The following ZBTB16 variants were observed in gnomAD, a reference collection of about 807,000 sequenced individuals.
The protein encoded by ZBTB16 is zinc finger and BTB domain containing 16.
ZBTB16 carries 8 observed loss-of-function variants against 56.8 expected under a neutral mutation model. The ratio of observed to expected loss-of-function variants is 0.14; its 90% CI spans 0.08 to 0.25. The LOEUF is 0.25. Ranked by LOEUF, ZBTB16 falls within the 10% of genes least tolerant of loss-of-function variation. ZBTB16 has a pLI of 1.00. For synonymous variants in ZBTB16, 363 were observed against 368.5 expected (o/e 0.98, Z 0.17); for missense variants, 625 against 903.0 (o/e 0.69, Z 3.95).
intron 2 of ZBTB16, among the ~76,000 whole-genome samples, chr11:114,154,870 C>T (rs1278824921): frequency 1.3e-5 from 2 of 152,142 alleles, no homozygotes; most frequent in Non-Finnish European, 2.9e-5. Flanking sequence ...ATCAGAAGGC[C>T]GTACACAGTG....
rs546370662 is a variant in ZBTB16, at chr11:114,064,519, A to C, written c.1219A>C (p.Ser407Arg). ...SESRTIGEQC[S>R]VCGVELPDNE... ...GAGCCGGACCATCGGAGAGCAGTGC[A>C]GCGTGTGTGGGGTCGAGCTTCCTGA... Residue 407 changes from serine (S) to arginine (R), a missense_variant, in exon 2 of 7, where the codon AGC (serine) becomes CGC (arginine). Physicochemically the swap from Ser to Arg is moderately radical, Grantham distance 110. Around this residue, in one of 6 missense-constraint regions of ZBTB16, gnomAD observed 384 missense variants for 393.5 expected, o/e 0.98. Coordinates refer to ENST00000335953, the MANE Select transcript of ZBTB16 (RefSeq NM_006006.6). The surrounding 1 kb of genome is among the most constrained non-coding windows in gnomAD (Gnocchi z 4.2). 1 of 1,614,058 alleles carries C rather than the reference A, an allele frequency of 6.2e-7. No individual in the cohort carries two copies. The highest frequency in any genetic ancestry group is 2.2e-5 in the East Asian group (1 of 44,868).
chr11:114,229,611 G>A (rs1246712542), intron 4 of ZBTB16, among the ~76,000 whole-genome samples: 2 of 152,200 alleles, frequency 1.3e-5, no homozygotes, highest in African/African-American at 4.8e-5. Context: ...AAGGAAATTC[G>A]TAGCTACGTT....
intron 4 of ZBTB16, among the ~76,000 whole-genome samples, chr11:114,219,556 G>A (rs938936338): frequency 6.6e-6 from 1 of 151,920 alleles, no homozygotes; most frequent in Admixed American, 6.6e-5. Context: ...CATTCTTACT[G>A]CAAAATCGAG....
At chr11:114,126,558 ATTG>A (rs575976663) in intron 2 of ZBTB16, among the ~76,000 whole-genome samples, 4 of 152,130 alleles carry the variant, frequency 2.6e-5, no homozygotes, top group Admixed American at 2.0e-4. Flanking sequence ...GAAGCTGAGT[ATTG>A]TTGTTGAGAG....
chr11:114,136,060 AGGGT>A (rs1414809922), intron 2 of ZBTB16, among the ~76,000 whole-genome samples: 2 of 151,932 alleles, frequency 1.3e-5, no homozygotes, highest in Non-Finnish European at 2.9e-5. Flanking sequence ...GTAAAGGAGG[AGGGT>A]TGCATGGAAT....
intron 2 of ZBTB16, among the ~76,000 whole-genome samples, chr11:114,130,272 G>A (rs908501161): frequency 4.6e-5 from 7 of 152,178 alleles, no homozygotes; most frequent in African/African-American, 9.7e-5. Context: ...TCTGGACTCC[G>A]CCAGCTGCAT....
At chr11:114,226,967 G>A (rs553305589) in intron 4 of ZBTB16, among the ~76,000 whole-genome samples, 48 of 152,180 alleles carry the variant, frequency 3.2e-4, no homozygotes, top group South Asian at 1.2e-3. Flanking sequence ...TCCCTTGCGT[G>A]CAGCCTGACG....
intron 4 of ZBTB16, among the ~76,000 whole-genome samples, chr11:114,232,102 G>A (rs187743604): frequency 1.3e-3 from 204 of 152,206 alleles, no homozygotes; most frequent in African/African-American, 4.3e-3. Flanking sequence ...TTCATGCTCC[G>A]TCCCGATGTT....
At chr11:114,115,080 G>A (rs2137789135) in intron 2 of ZBTB16, among the ~76,000 whole-genome samples, 1 of 152,228 alleles carries the variant, frequency 6.6e-6, no homozygotes, top group East Asian at 1.9e-4. Flanking sequence ...TTAAGAGGGA[G>A]GTAGGAGAGG....
intron 4 of ZBTB16, among the ~76,000 whole-genome samples, chr11:114,231,825 G>A (rs1944446181): frequency 6.6e-6 from 1 of 152,180 alleles, no homozygotes; most frequent in African/African-American, 2.4e-5. Flanking sequence ...CATTCAACCT[G>A]CCAGCACCCT....
At chr11:114,152,668 C>T (rs985964086) in intron 2 of ZBTB16, among the ~76,000 whole-genome samples, 4 of 152,132 alleles carry the variant, frequency 2.6e-5, no homozygotes, top group Admixed American at 6.6e-5. Context: ...GATGGAGATG[C>T]GTGGGCTGTA....
At chr11:114,235,629 C>CTTTCTTTCTTTCTTT (rs1944551537) in intron 4 of ZBTB16, among the ~76,000 whole-genome samples, 24 of 97,842 alleles carry the variant, frequency 2.5e-4, no homozygotes, top group South Asian at 4.1e-4. Flanking sequence ...CCTCTCCCTT[C>CTTTCTTTCTTTCTTT]CTTTCTTTCT....
chr11:114,127,616 G>C (rs1941545014), intron 2 of ZBTB16, among the ~76,000 whole-genome samples: 2 of 152,144 alleles, frequency 1.3e-5, no homozygotes, highest in South Asian at 4.1e-4. Flanking sequence ...GCCTGATTTT[G>C]AGCTCTTGAC....
At chr11:114,149,400 G>A (rs1250596657) in intron 2 of ZBTB16, among the ~76,000 whole-genome samples, 2 of 152,034 alleles carry the variant, frequency 1.3e-5, no homozygotes, top group African/African-American at 2.4e-5. Flanking sequence ...ACAACCAAAT[G>A]GCCACTGTCT....
chr11:114,121,726 C>A, intron 2 of ZBTB16: 1 of 438,298 alleles, frequency 2.3e-6, no homozygotes, highest in Non-Finnish European at 4.6e-6. Context: ...ACTGTCTGAT[C>A]CCAGATCCCA....
intron 4 of ZBTB16, among the ~76,000 whole-genome samples, chr11:114,236,057 C>T (rs17438970): frequency 1.3e-5 from 2 of 152,050 alleles, no homozygotes; most frequent in Non-Finnish European, 2.9e-5. Context: ...TGAGCAGATA[C>T]CCTGGGAGTC....
chr11:114,085,284 C>T (rs554372398), intron 2 of ZBTB16, among the ~76,000 whole-genome samples: 11 of 152,282 alleles, frequency 7.2e-5, no homozygotes, highest in South Asian at 2.1e-4. Context: ...CATTTAAGAA[C>T]GTTAATGAAG....
chr11:114,108,053 G>T (rs1364795532), intron 2 of ZBTB16, among the ~76,000 whole-genome samples: 4 of 152,050 alleles, frequency 2.6e-5, no homozygotes, highest in African/African-American at 7.2e-5. Flanking sequence ...TGCTGGGAGG[G>T]TTTGAATGCT....
chr11:114,140,324 C>T (rs1215220383), intron 2 of ZBTB16, among the ~76,000 whole-genome samples: 3 of 152,216 alleles, frequency 2.0e-5, no homozygotes, highest in Non-Finnish European at 4.4e-5. Flanking sequence ...CAGGACCTGA[C>T]GTGCACATGT....
Sources: gnomAD v4.1 joint callset for allele counts (sites outside exome capture counted in the v4.1 genomes callset) on GRCh38, gnomAD v4.1.1 for gene constraint, gnomAD v4.1.1 regional missense constraint, Gnocchi (gnomAD v3.1) non-coding constraint, MANE v1.5 for transcripts, NCBI Gene and HGNC (gene_info 2026-07-23, HGNC 2026-07-21) for gene names.